The following SDK1 variants were observed in gnomAD, a reference collection of about 807,000 sequenced individuals.
SDK1 encodes sidekick cell adhesion molecule 1.
SDK1 carries 157 observed loss-of-function variants against 245.5 expected under a neutral mutation model. The ratio of observed to expected loss-of-function variants is 0.64; its 90% CI spans 0.56 to 0.73. The LOEUF is 0.73. SDK1 is among the 30% of genes least tolerant of loss of function. The pLI is 0.00. For synonymous variants in SDK1, 1,647 were observed against 1,278.5 expected, an observed-to-expected ratio of 1.29 and a Z score of -6.15; for missense variants, 3,583 against 3,002.3, an observed-to-expected ratio of 1.19 and a Z score of -4.52.
intron 1 of SDK1, among the ~76,000 whole-genome samples, chr7:3,448,113 G>A (rs995027398): frequency 3.3e-5 from 5 of 152,182 alleles, no homozygotes; most frequent in African/African-American, 1.2e-4. Context: ...ATAGATATTA[G>A]TAGATTTCTT....
At chr7:3,404,908 G>A (rs1423601429) in intron 1 of SDK1, among the ~76,000 whole-genome samples, 1 of 152,140 alleles carries the variant, frequency 6.6e-6, no homozygotes, top group East Asian at 1.9e-4. Flanking sequence ...AGGTCTTAAT[G>A]TTTGTATTAA....
intron 4 of SDK1, among the ~76,000 whole-genome samples, chr7:3,812,820 A>T (rs34233756): frequency 0.1 from 15,718 of 152,234 alleles, 1,240 homozygotes; most frequent in African/African-American, 0.22. Flanking sequence ...CTGAGCTGCA[A>T]TCCCATTTGC....
chr7:3,741,562 C>T (rs977459322), intron 4 of SDK1, among the ~76,000 whole-genome samples: 1 of 151,976 alleles, frequency 6.6e-6, no homozygotes, highest in Admixed American at 6.6e-5. Context: ...AGTAGTTTGC[C>T]CTAATTAACT....
In SDK1 at chr7:3,693,057, A is replaced by T. The variant is rs558185608; in HGVS notation, c.713+50952A>T. Among the ~76,000 whole-genome samples the T allele has an allele frequency of 5.9e-5, 9 of 152,124 alleles. 1 individual carries two copies. The highest frequency in any genetic ancestry group is 2.2e-4 in the African/African-American group (9 of 41,546). ...TGAACATATTTTAGACATATAATAA[A>T]ATTTTAGATGCCATATTATATATTA... On this transcript the variant is annotated intron_variant, in intron 4 of 44. Transcript: ENST00000404826.
intron 7 of SDK1, among the ~76,000 whole-genome samples, chr7:3,955,093 T>C (rs941716649): frequency 6.6e-6 from 1 of 152,124 alleles, no homozygotes; most frequent in Non-Finnish European, 1.5e-5. Context: ...AGCCAGCTGC[T>C]CCCACATGTG....
chr7:3,810,529 A>G (rs1377266951), intron 4 of SDK1, among the ~76,000 whole-genome samples: 1 of 152,226 alleles, frequency 6.6e-6, no homozygotes, highest in Non-Finnish European at 1.5e-5. Flanking sequence ...AGGCCCCTGG[A>G]TAAGTACAAA....
intron 19 of SDK1, among the ~76,000 whole-genome samples, chr7:4,065,687 G>GGTTGTT (rs1486956144): frequency 1.3e-4 from 13 of 100,426 alleles, no homozygotes; most frequent in African/African-American, 7.2e-4. Flanking sequence ...CCAGATGAGT[G>GGTTGTT]GTTGTTGTTT....
At chr7:3,356,756 C>CA (rs35554587) in intron 1 of SDK1, among the ~76,000 whole-genome samples, 24 of 151,932 alleles carry the variant, frequency 1.6e-4, no homozygotes, top group Admixed American at 1.6e-3. Flanking sequence ...TTCTTTTGTA[C>CA]AAAAAATACA....
At chr7:3,605,791 G>T (rs1454251748) in intron 1 of SDK1, among the ~76,000 whole-genome samples, 1 of 151,852 alleles carries the variant, frequency 6.6e-6, no homozygotes, top group Non-Finnish European at 1.5e-5. Flanking sequence ...TCTATTTTTA[G>T]GTTTGTTTTT....
intron 31 of SDK1, among the ~76,000 whole-genome samples, chr7:4,158,981 C>T (rs1359279907): frequency 1.3e-5 from 2 of 152,210 alleles, no homozygotes; most frequent in Non-Finnish European, 2.9e-5. Flanking sequence ...TCCGTCCTAC[C>T]TCGGCGGCGT....
chr7:4,121,945 A>G (rs1288649618), intron 25 of SDK1, among the ~76,000 whole-genome samples: 1 of 152,142 alleles, frequency 6.6e-6, no homozygotes, highest in Non-Finnish European at 1.5e-5. Context: ...AAAATTTTAT[A>G]ATTGGGTTAT....
chr7:3,636,553 A>G (rs1278954574), intron 2 of SDK1, among the ~76,000 whole-genome samples: 1 of 152,184 alleles, frequency 6.6e-6, no homozygotes, highest in Non-Finnish European at 1.5e-5. Context: ...TCTTTTTAAG[A>G]CTGAATAATA....
chr7:3,586,397 A>G lies in SDK1; in HGVS notation c.299-32683A>G, dbSNP rs192824025. Among the ~76,000 whole-genome samples the G allele has an allele frequency of 2.6e-5, 4 of 152,062 alleles. No homozygotes were observed. In the East Asian group the frequency reaches 7.8e-4, roughly 29 times the overall value. On this transcript the variant is annotated intron_variant, in intron 1 of 44. Coordinates refer to ENST00000404826, the MANE Select transcript of SDK1 (RefSeq NM_152744.4). ...AGGAGGGCTCGAGACCCCCCATGATATATAGAAATAGAGGACAGGGCCGGG... is the reference window on the plus strand; with the variant it reads ...AGGAGGGCTCGAGACCCCCCATGATGTATAGAAATAGAGGACAGGGCCGGG...
intron 1 of SDK1, among the ~76,000 whole-genome samples, chr7:3,549,350 C>T (rs925454061): frequency 2.6e-5 from 4 of 152,120 alleles, no homozygotes; most frequent in Non-Finnish European, 4.4e-5. Flanking sequence ...CCTCTGTAAC[C>T]AATATGAGAC....
intron 4 of SDK1, among the ~76,000 whole-genome samples, chr7:3,820,483 A>G (rs1016198643): frequency 8.5e-5 from 13 of 152,098 alleles, no homozygotes; most frequent in African/African-American, 2.7e-4. Flanking sequence ...ACCCTCATCC[A>G]CCTCTTTAAC....
At chr7:4,178,446 C>A in intron 34 of SDK1, 39 bp from the exon 35 acceptor site, 2 of 1,447,210 alleles carry the variant, frequency 1.4e-6, no homozygotes, top group Non-Finnish European at 1.9e-6. Context: ...AGAAGGTGGT[C>A]CTGGTGGAAG....
chr7:3,594,569 G>T (rs543254763), intron 1 of SDK1, among the ~76,000 whole-genome samples: 1 of 152,118 alleles, frequency 6.6e-6, no homozygotes, highest in African/African-American at 2.4e-5. Flanking sequence ...ATGTATGAGG[G>T]TTCTGATTTC....
chr7:3,720,198 T>C lies in SDK1; in HGVS notation c.713+78093T>C, dbSNP rs181472939. ...TTGAACCAGAGAGGTGGAGGTTGCA[T>C]TGAGGCAAGATTGTGCCATTGCACT... On this transcript the variant is annotated intron_variant, in intron 4 of 44. Transcript: ENST00000404826. 1.2e-3 allele frequency among the ~76,000 whole-genome samples: 187 copies of C among 152,056 alleles called. 1 individual carries two copies. Among genetic ancestry groups the C allele is most frequent in the African/African-American group, 4.2e-3 (173 of 41,492 alleles).
intron 5 of SDK1, among the ~76,000 whole-genome samples, chr7:3,913,628 T>G (rs1179977932): frequency 6.6e-6 from 1 of 152,102 alleles, no homozygotes; most frequent in Non-Finnish European, 1.5e-5. Flanking sequence ...CATCCATTCT[T>G]TTCTCTGGAC....
Sources: allele counts gnomAD v4.1 joint callset (sites outside exome capture counted in the v4.1 genomes callset), GRCh38; gene constraint gnomAD v4.1.1; transcripts MANE v1.5; gene names NCBI Gene and HGNC (gene_info 2026-07-23, HGNC 2026-07-21).